PM20D1: variants seen among roughly 807,000 people sequenced by gnomAD.
PM20D1 encodes peptidase M20 domain containing 1.
A neutral mutation model predicts 53.8 loss-of-function variants in PM20D1; 53 were observed. The observed-to-expected ratio is 0.98, with a 90% CI of 0.79 to 1.24. The LOEUF (loss-of-function observed/expected upper bound fraction) is 1.24, where lower values mean the gene tolerates loss of function less well. Among genes scored for constraint, PM20D1 ranks in the 50% most tolerant of loss-of-function variants. The pLI is 0.00. For missense variants in PM20D1, 564 were observed against 616.8 expected, an observed-to-expected ratio of 0.91 and a Z score of 0.91; for synonymous variants, 239 against 241.3, an observed-to-expected ratio of 0.99 and a Z score of 0.09.
At chr1:205,834,048 A>G (rs1394647681) in intron 10 of PM20D1, among the ~76,000 whole-genome samples, 4 of 151,008 alleles carry the variant, frequency 2.6e-5, no homozygotes, top group Admixed American at 6.6e-5. Context: ...GGGTTTCACC[A>G]TGTTGGTCAG....
chr1:205,841,106 G>A (rs1656795106), intron 9 of PM20D1, among the ~76,000 whole-genome samples: 1 of 152,114 alleles, frequency 6.6e-6, no homozygotes, highest in South Asian at 2.1e-4. Context: ...CCCCATTCCC[G>A]ACCTTCTAGC....
In PM20D1 at chr1:205,841,878, C is replaced by T. The variant is rs1414164520; in HGVS notation, c.977G>A (p.Arg326Lys). ...FEPLISRFME[R>K]NPLTNAIIRT... ...GATTATTGCATTGGTTAAGGGATTT[C>T]TCTCCATAAACCTAAAACAAAAGGA... is the stretch of plus-strand genomic sequence containing the variant. Residue 326 changes from arginine to lysine, a missense_variant, in exon 9 of 13, where the codon AGA becomes AAA. Arg to Lys is a conservative substitution (Grantham distance 26). Coordinates refer to ENST00000367136, the MANE Select transcript of PM20D1 (RefSeq NM_152491.5). The T allele has an allele frequency of 1.2e-5, 18 of 1,561,956 alleles. No individual in the cohort carries two copies. The highest frequency in any genetic ancestry group is 1.6e-5 in the Non-Finnish European group (18 of 1,151,108).
chr1:205,841,680 G>T, intron 9 of PM20D1, 131 bp downstream of exon 9: 2 of 925,198 alleles, frequency 2.2e-6, no homozygotes, highest in Non-Finnish European at 3.4e-6. Flanking sequence ...AAAGGCCTAT[G>T]TCTTTGCGTG....
Position 205,830,172 on chromosome 1 carries a change from C to A in PM20D1, c.1385+108G>T, listed in dbSNP as rs1656525691. 3.6e-6 allele frequency: 3 copies of A among 838,774 alleles called. No homozygotes were observed. The South Asian group carries it at 5.1e-5, about 14-fold the overall frequency. 52.0% of individuals were successfully genotyped at this position (838,774 alleles called of 1,614,324 possible). A position where few individuals can be genotyped will look rare whatever the true frequency, so the allele number is the denominator to read the frequency against. ...ATGTCTCCATTTCATTTTGCCAAAT[C>A]CTGGCTTTCCCCCTGATTCTGTGGA... On this transcript the variant is annotated intron_variant, in intron 12 of 12. Transcript: ENST00000367136.
chr1:205,843,608 G>A, intron 6 of PM20D1, 59 bp downstream of exon 6: 1 of 1,561,292 alleles, frequency 6.4e-7, no homozygotes, highest in Non-Finnish European at 8.6e-7. Context: ...TTTAAAGTGG[G>A]AAAGTGCCAG....
At position 205,832,636 on chromosome 1, in the gene PM20D1, AC is replaced by A. The variant is rs1331013291; in HGVS notation, c.1246del (p.Val416TyrfsTer64). 3 of 1,614,200 alleles carry A rather than the reference AC, an allele frequency of 1.9e-6. 1 individual carries two copies. The East Asian group carries it at 6.7e-5, about 36-fold the overall frequency. ...ATTGACTTCCGGGAAGACGGACTGTACGGTCTGGCGGAGCAGCTGGTAGCCC... is the reference window on the plus strand; with the variant it reads ...ATTGACTTCCGGGAAGACGGACTGTAGGTCTGGCGGAGCAGCTGGTAGCCC... The part of the protein sequence containing the change: ...ALGYQLLRQT[V>X]QSVFPEVNIT... On this transcript the variant is annotated frameshift_variant, in exon 11 of 13. Transcript: ENST00000367136. LOFTEE classifies it high-confidence loss of function.
intron 10 of PM20D1, among the ~76,000 whole-genome samples, 173 bp downstream of exon 10, chr1:205,840,079 A>G (rs904192277): frequency 2.0e-5 from 3 of 152,168 alleles, no homozygotes; most frequent in Admixed American, 6.5e-5. Flanking sequence ...TGTTTACCCA[A>G]ACCCAGGATC....
chr1:205,846,170 G>T (rs1272662895), intron 2 of PM20D1, among the ~76,000 whole-genome samples: 1 of 151,786 alleles, frequency 6.6e-6, no homozygotes, highest in Non-Finnish European at 1.5e-5. Context: ...CAGATCACTT[G>T]AGGTCAGGTG....
intron 2 of PM20D1, 27 bp from the exon 3 acceptor site, chr1:205,845,584 GA>G: frequency 6.3e-7 from 1 of 1,577,078 alleles, no homozygotes; most frequent in Admixed American, 1.7e-5. Flanking sequence ...CAGGAAGAGA[GA>G]ACCAGGGTTA....
In PM20D1 at chr1:205,833,455, G is replaced by A. The variant is rs528900683; in HGVS notation, c.1117-689C>T. Among the ~76,000 whole-genome samples, 221 of 152,318 alleles carry A rather than the reference G, an allele frequency of 1.5e-3. 1 individual carries two copies. Among genetic ancestry groups the A allele is most frequent in the African/African-American group, 5.1e-3 (211 of 41,564 alleles). On this transcript the variant is annotated intron_variant, in intron 10 of 12. Coordinates refer to ENST00000367136, the MANE Select transcript of PM20D1 (RefSeq NM_152491.5). ...CTCTGGGCATTTCTGCTTCCTGTTT[G>A]TAACCAGCTGCACTGGAGCCAGGAA...
Position 205,828,703 on chromosome 1 carries a change from C to T in PM20D1, c.1426G>A (p.Glu476Lys), listed in dbSNP as rs1350194738. ...TCAAAGATGAATTTCACTTGGGTCT[C>T]ATAGGCTTGGACTGAGATTTTCTCG... Reference protein sequence around the residue: ...VNEKISVQAYETQVKFIFELI... With the variant: ...VNEKISVQAYKTQVKFIFELI... The change falls in exon 13 of 13, where the codon GAG becomes AAG. Residue 476 changes from glutamate (E) to lysine (K), a missense_variant. Glu to Lys is a moderately conservative substitution (Grantham distance 56). Coordinates refer to ENST00000367136, the MANE Select transcript of PM20D1 (RefSeq NM_152491.5). 12 of 1,614,032 alleles carry T rather than the reference C, an allele frequency of 7.4e-6. No individual in the cohort carries two copies. The highest frequency in any genetic ancestry group is 1.7e-5 in the Admixed American group (1 of 60,006).
At chr1:205,840,193 C>G (rs539454095) in intron 10 of PM20D1, 59 bp downstream of exon 10, 1 of 1,520,974 alleles carries the variant, frequency 6.6e-7, no homozygotes, top group African/African-American at 1.4e-5. Flanking sequence ...AACCCGGGCC[C>G]TGAGGGCCAC....
At chr1:205,835,147 T>G (rs1656655496) in intron 10 of PM20D1, among the ~76,000 whole-genome samples, 1 of 152,160 alleles carries the variant, frequency 6.6e-6, no homozygotes, top group Non-Finnish European at 1.5e-5. Flanking sequence ...GAGGTGTTCA[T>G]CTGAGATGGA....
chr1:205,834,819 G>A (rs1656645531), intron 10 of PM20D1, among the ~76,000 whole-genome samples: 1 of 152,158 alleles, frequency 6.6e-6, no homozygotes, highest in African/African-American at 2.4e-5. Context: ...TCAGTAAGAG[G>A]CTGCAGGAGC....
chr1:205,837,637 C>A (rs1023436375), intron 10 of PM20D1, among the ~76,000 whole-genome samples: 3 of 152,160 alleles, frequency 2.0e-5, no homozygotes, highest in African/African-American at 4.8e-5. Flanking sequence ...AGGACAAATG[C>A]GCCCACAAGC....
rs199847914 is a variant in PM20D1, at chr1:205,844,848, C to T, written c.539G>A (p.Arg180Gln). The change falls in exon 4 of 13, where the codon CGA (arginine) becomes CAA (glutamine). Residue 180 changes from arginine to glutamine, a missense_variant. Arg to Gln is a conservative substitution (Grantham distance 43, BLOSUM62 1). Transcript: ENST00000367136. Reference sequence around the variant, plus strand: ...GCCCAGAGAAATGAAGAAAGATCTTCGGGGGATGTACTTCCTGATCAGCAG... The same window carrying T: ...GCCCAGAGAAATGAAGAAAGATCTTTGGGGGATGTACTTCCTGATCAGCAG... ...ELLLIRKYIP[R>Q]RSFFISLGHD... is the part of the protein sequence containing the mutation. The T allele has an allele frequency of 4.0e-5, 64 of 1,613,930 alleles. No homozygotes were observed. The highest frequency in any genetic ancestry group is 5.0e-5 in the Non-Finnish European group (59 of 1,179,986).
chr1:205,848,789 G>C (rs894193095), intron 1 of PM20D1, among the ~76,000 whole-genome samples: 1 of 152,170 alleles, frequency 6.6e-6, no homozygotes, highest in African/African-American at 2.4e-5. Flanking sequence ...TTTTGCTAAG[G>C]ATCAACCCTA....
chr1:205,840,150 T>C (rs1005920856), intron 10 of PM20D1, 102 bp downstream of exon 10: 2 of 923,972 alleles, frequency 2.2e-6, no homozygotes, highest in Admixed American at 3.1e-5. Flanking sequence ...GTTGAATAAA[T>C]GGGACACTGG....
intron 11 of PM20D1, among the ~76,000 whole-genome samples, chr1:205,831,681 A>G (rs919276671): frequency 2.7e-5 from 4 of 150,016 alleles, no homozygotes; most frequent in Non-Finnish European, 4.4e-5. Flanking sequence ...CTCCTGCCTC[A>G]TCCTCCCGAG....
Sources: allele counts gnomAD v4.1 joint callset (sites outside exome capture counted in the v4.1 genomes callset), GRCh38; gene constraint gnomAD v4.1.1; transcripts MANE v1.5; gene names NCBI Gene and HGNC (gene_info 2026-07-23, HGNC 2026-07-21).